MAF: variants seen among roughly 807,000 people sequenced by gnomAD.
MAF encodes MAF bZIP transcription factor.
MAF carries 10 observed loss-of-function variants against 22.0 expected under a neutral mutation model. That is an observed-to-expected ratio of 0.45 (90% CI 0.28 to 0.77). The LOEUF (loss-of-function observed/expected upper bound fraction) is 0.77, where lower values mean the gene tolerates loss of function less well. Ranked by LOEUF, MAF falls within the 30% of genes least tolerant of loss-of-function variation. The probability of loss-of-function intolerance (pLI) is 0.12; values close to 1 mark genes in which losing one functional copy is unlikely to be tolerated. For missense variants in MAF, 544 were observed against 548.4 expected (o/e 0.99, Z 0.08); for synonymous variants, 337 against 255.8 (o/e 1.32, Z -3.03).
chr16:79,432,573 G>C, the MAF span, among the ~76,000 whole-genome samples: 7 of 152,150 alleles, frequency 4.6e-5, no homozygotes, highest in South Asian at 8.3e-4. Context: ...AACTGAAACA[G>C]TACAAAACAA....
the MAF span, among the ~76,000 whole-genome samples, chr16:79,564,178 C>A: frequency 1.3e-5 from 2 of 152,220 alleles, no homozygotes; most frequent in African/African-American, 2.4e-5. Flanking sequence ...AAAGTCCTGG[C>A]AGGGCAGCGT....
the MAF span, among the ~76,000 whole-genome samples, chr16:79,341,274 A>G: frequency 6.6e-6 from 1 of 152,332 alleles, no homozygotes; most frequent in South Asian, 2.1e-4. Context: ...CAGTTTCTCC[A>G]TCTATATCAC....
the MAF span, among the ~76,000 whole-genome samples, chr16:79,439,280 GA>G: frequency 2.7e-5 from 1 of 37,030 alleles, no homozygotes; most frequent in African/African-American, 1.2e-4. Context: ...TTTTTTTTTT[GA>G]GACGGAGTCT....
the MAF span, among the ~76,000 whole-genome samples, chr16:79,309,923 A>G: frequency 6.6e-6 from 1 of 152,206 alleles, no homozygotes; most frequent in Admixed American, 6.5e-5. Context: ...GGACTTAGAA[A>G]ATTGACTAAT....
At chr16:79,509,615 G>T in the MAF span, among the ~76,000 whole-genome samples, 2 of 152,232 alleles carry the variant, frequency 1.3e-5, no homozygotes, top group Non-Finnish European at 2.9e-5. Context: ...CACAGGGCAG[G>T]AAAGACCTGG....
the MAF span, among the ~76,000 whole-genome samples, chr16:79,569,727 G>C: frequency 6.6e-6 from 1 of 152,180 alleles, no homozygotes; most frequent in Non-Finnish European, 1.5e-5. Flanking sequence ...ACCACCCCAG[G>C]ATTATTTAAT....
At chr16:79,225,528 G>A in the MAF span, among the ~76,000 whole-genome samples, 1 of 152,150 alleles carries the variant, frequency 6.6e-6, no homozygotes, top group African/African-American at 2.4e-5. Context: ...TGAGAAATGG[G>A]ATCCAATTAA....
At chr16:79,495,414 G>C in the MAF span, among the ~76,000 whole-genome samples, 1 of 152,092 alleles carries the variant, frequency 6.6e-6, no homozygotes, top group Admixed American at 6.5e-5. Flanking sequence ...AGTGAACCCT[G>C]ATCACACCAC....
chr16:79,493,980 A>G, the MAF span, among the ~76,000 whole-genome samples: 15 of 152,142 alleles, frequency 9.9e-5, no homozygotes, highest in African/African-American at 3.6e-4. Flanking sequence ...GGCTCTTTCA[A>G]AAAACCCACG....
At chr16:79,400,497 A>T in the MAF span, among the ~76,000 whole-genome samples, 1 of 152,234 alleles carries the variant, frequency 6.6e-6, no homozygotes, top group Non-Finnish European at 1.5e-5. Context: ...TACTACAAAC[A>T]TGAGTTGGAG....
At chr16:79,402,964 C>T in the MAF span, among the ~76,000 whole-genome samples, 1 of 152,094 alleles carries the variant, frequency 6.6e-6, no homozygotes, top group African/African-American at 2.4e-5. Context: ...CCTTGCCCAC[C>T]CATGGTTACC....
At chr16:79,451,656 C>T in the MAF span, among the ~76,000 whole-genome samples, 3 of 152,188 alleles carry the variant, frequency 2.0e-5, no homozygotes, top group South Asian at 2.1e-4. Flanking sequence ...GAAGTATATA[C>T]ATTTAAAATA....
chr16:79,527,193 G>T, the MAF span, among the ~76,000 whole-genome samples: 2 of 152,160 alleles, frequency 1.3e-5, no homozygotes, highest in African/African-American at 4.8e-5. Context: ...ATTGGTCTTC[G>T]TCCCCTAAAG....
chr16:79,274,491 G>C, the MAF span, among the ~76,000 whole-genome samples: 1 of 152,092 alleles, frequency 6.6e-6, no homozygotes, highest in Non-Finnish European at 1.5e-5. Flanking sequence ...GGAGACTCTG[G>C]TGTCCAGGGA....
At chr16:79,240,672 C>T in the MAF span, among the ~76,000 whole-genome samples, 1 of 151,810 alleles carries the variant, frequency 6.6e-6, no homozygotes, top group Non-Finnish European at 1.5e-5. Context: ...AGCAGAACTC[C>T]CAGCACAGCA....
the MAF span, among the ~76,000 whole-genome samples, chr16:79,399,537 C>G: frequency 6.6e-6 from 1 of 152,106 alleles, no homozygotes; most frequent in Admixed American, 6.6e-5. Flanking sequence ...AAACTGACAC[C>G]AATTCCTTGG....
the MAF span, among the ~76,000 whole-genome samples, chr16:79,359,910 A>G: frequency 1.3e-5 from 2 of 152,188 alleles, no homozygotes; most frequent in Non-Finnish European, 2.9e-5. Flanking sequence ...AGAGAAGGCC[A>G]TGGGATATTA....
the MAF span, among the ~76,000 whole-genome samples, chr16:79,345,682 C>G: frequency 3.4e-4 from 43 of 126,140 alleles, 2 homozygotes; most frequent in African/African-American, 1.3e-3. Flanking sequence ...AAGCCAAGAT[C>G]GCGCCACTGC....
chr16:79,292,334 G>T, the MAF span, among the ~76,000 whole-genome samples: 1 of 152,230 alleles, frequency 6.6e-6, no homozygotes, highest in Non-Finnish European at 1.5e-5. Context: ...TTGGGGTGAT[G>T]TAGCTGCAAG....
Sources: allele counts gnomAD v4.1 joint callset (sites outside exome capture counted in the v4.1 genomes callset), GRCh38; gene constraint gnomAD v4.1.1; transcripts MANE v1.5; gene names NCBI Gene and HGNC (gene_info 2026-07-23, HGNC 2026-07-21).